Variants in DCC observed in about 807,000 individuals in gnomAD.
DCC encodes netrin receptor DCC.
DCC carries 58 observed loss-of-function variants against 172.5 expected under a neutral mutation model. The ratio of observed to expected loss-of-function variants is 0.34; its 90% CI spans 0.27 to 0.42. The LOEUF (loss-of-function observed/expected upper bound fraction) is 0.42. Among genes scored for constraint, DCC ranks in the 10% least tolerant of loss-of-function variants. The pLI is 1.00. For missense variants in DCC, 1,740 were observed against 1,791.0 expected (o/e 0.97, Z 0.51); for synonymous variants, 709 against 644.5 (o/e 1.10, Z -1.52).
chr18:52,517,137 G>A (rs780398722), intron 1 of DCC, among the ~76,000 whole-genome samples: 1 of 152,134 alleles, frequency 6.6e-6, no homozygotes. Context: ...CCCAACCTCC[G>A]ACTTTCAATA....
At chr18:52,935,453 A>G (rs1224269971) in intron 5 of DCC, among the ~76,000 whole-genome samples, 1 of 152,074 alleles carries the variant, frequency 6.6e-6, no homozygotes, top group African/African-American at 2.4e-5. Context: ...TATGAATTCA[A>G]TTTACTACAA....
At chr18:52,353,735 C>T (rs1051086625) in intron 1 of DCC, among the ~76,000 whole-genome samples, 2 of 152,142 alleles carry the variant, frequency 1.3e-5, no homozygotes, top group Non-Finnish European at 2.9e-5. Context: ...AGAGTCTACA[C>T]GAAGAGAACA....
intron 1 of DCC, among the ~76,000 whole-genome samples, chr18:52,594,810 C>T (rs1320167123): frequency 2.0e-5 from 3 of 152,118 alleles, no homozygotes; most frequent in African/African-American, 7.2e-5. Flanking sequence ...CTTGTGAGTA[C>T]TCACTCACTG....
At chr18:52,781,204 A>C (rs2037535669) in intron 2 of DCC, among the ~76,000 whole-genome samples, 1 of 152,110 alleles carries the variant, frequency 6.6e-6, no homozygotes, top group South Asian at 2.1e-4. Context: ...TCTTGGTTTC[A>C]TTGTGTTGCA....
chr18:53,465,001 A>G (rs2045602685), intron 24 of DCC, among the ~76,000 whole-genome samples: 1 of 146,984 alleles, frequency 6.8e-6, no homozygotes, highest in Non-Finnish European at 1.5e-5. Context: ...AAAAAAAAAA[A>G]GAGAAGAAAA....
intron 1 of DCC, among the ~76,000 whole-genome samples, chr18:52,633,733 T>C (rs1489444577): frequency 3.3e-5 from 5 of 152,182 alleles, no homozygotes; most frequent in African/African-American, 7.2e-5. Context: ...CTCCTGAGAA[T>C]GGAATAGCCT....
chr18:52,611,470 C>T (rs62083418), intron 1 of DCC, among the ~76,000 whole-genome samples: 37,718 of 152,028 alleles, frequency 0.25, 5,213 homozygotes, highest in Middle Eastern at 0.34. Context: ...TCAGTTGCCC[C>T]TTGATACAAA....
chr18:53,153,171 T>C (rs2054671668), intron 7 of DCC, among the ~76,000 whole-genome samples: 1 of 152,332 alleles, frequency 6.6e-6, no homozygotes, highest in South Asian at 2.1e-4. Flanking sequence ...GTCTAACTTC[T>C]TGAAAATTTC....
At chr18:52,951,445 C>T (rs1031501810) in intron 5 of DCC, among the ~76,000 whole-genome samples, 1 of 151,686 alleles carries the variant, frequency 6.6e-6, no homozygotes, top group African/African-American at 2.4e-5. Context: ...CCTCCCACCC[C>T]CCGACAGGTC....
intron 12 of DCC, among the ~76,000 whole-genome samples, chr18:53,263,127 A>G (rs1168839557): frequency 2.0e-5 from 3 of 152,146 alleles, no homozygotes; most frequent in Admixed American, 6.6e-5. Context: ...GAATTCAACA[A>G]TATGCAGAGT....
chr18:52,588,886 TGACTAATCAGA>T (rs764188608), intron 1 of DCC, among the ~76,000 whole-genome samples: 77 of 152,096 alleles, frequency 5.1e-4, no homozygotes, highest in Non-Finnish European at 1.0e-3. Context: ...TTTACTGGTT[TGACTAATCAGA>T]GACTCAAGTT....
chr18:52,622,406 C>T (rs180680424), intron 1 of DCC, among the ~76,000 whole-genome samples: 49 of 152,228 alleles, frequency 3.2e-4, no homozygotes, highest in African/African-American at 9.9e-4. Context: ...TATTTTAGTT[C>T]GGTAGTCCGG....
intron 7 of DCC, among the ~76,000 whole-genome samples, chr18:53,110,579 T>G (rs1475309754): frequency 2.6e-5 from 4 of 151,344 alleles, no homozygotes; most frequent in Non-Finnish European, 5.9e-5. Flanking sequence ...CTATCAAAAA[T>G]TGGGCGAAGG....
intron 1 of DCC, among the ~76,000 whole-genome samples, chr18:52,440,738 G>C (rs907409631): frequency 6.6e-6 from 1 of 152,214 alleles, no homozygotes; most frequent in East Asian, 1.9e-4. Context: ...CACCATTGCT[G>C]TATGGGGAAA....
chr18:52,935,732 C>A (rs886374565), intron 5 of DCC, among the ~76,000 whole-genome samples: 6 of 152,056 alleles, frequency 3.9e-5, no homozygotes, highest in South Asian at 2.1e-4. Context: ...GCTGGTAGAT[C>A]AACCATGTTG....
chr18:53,188,719 G>A (rs1008535911), intron 9 of DCC, among the ~76,000 whole-genome samples: 15 of 152,122 alleles, frequency 9.9e-5, no homozygotes, highest in South Asian at 2.1e-4. Context: ...CTAGAAGTCC[G>A]AAATCGAGGT....
intron 1 of DCC, among the ~76,000 whole-genome samples, chr18:52,543,656 C>G (rs2032528547): frequency 6.6e-6 from 1 of 152,174 alleles, no homozygotes; most frequent in Non-Finnish European, 1.5e-5. Context: ...CATCATAGAT[C>G]ATCTTTGTCC....
At chr18:53,365,679 A>C (rs2057998006) in intron 15 of DCC, among the ~76,000 whole-genome samples, 1 of 152,176 alleles carries the variant, frequency 6.6e-6, no homozygotes, top group Non-Finnish European at 1.5e-5. Context: ...TCCAATTTCT[A>C]GTCATAAGCA....
At chr18:52,349,416 C>T (rs1360095630) in intron 1 of DCC, among the ~76,000 whole-genome samples, 1 of 152,144 alleles carries the variant, frequency 6.6e-6, no homozygotes, top group Non-Finnish European at 1.5e-5. Context: ...CTCATGGGAT[C>T]CCAGAAGAAT....
Sources: gnomAD v4.1 joint callset for allele counts (sites outside exome capture counted in the v4.1 genomes callset) on GRCh38, gnomAD v4.1.1 for gene constraint, MANE v1.5 for transcripts, NCBI Gene and HGNC (gene_info 2026-07-23, HGNC 2026-07-21) for gene names.